CPED1: variants seen among roughly 807,000 people sequenced by gnomAD.
The protein encoded by CPED1 is cadherin-like and PC-esterase domain-containing protein 1.
In CPED1, 114 loss-of-function variants were observed where a neutral mutation model predicts 128.2. The observed-to-expected ratio is 0.89, with a 90% CI of 0.76 to 1.04. The LOEUF (loss-of-function observed/expected upper bound fraction) is 1.04. CPED1 is among the 50% of genes least tolerant of loss of function. The probability of loss-of-function intolerance (pLI) is 0.00; values close to 1 mark genes in which losing one functional copy is unlikely to be tolerated. For synonymous variants in CPED1, 462 were observed against 426.7 expected, an observed-to-expected ratio of 1.08 and a Z score of -1.02; for missense variants, 1,211 against 1,207.1, an observed-to-expected ratio of 1.00 and a Z score of -0.05.
chr7:121,158,700 A>G (rs1796345666), intron 16 of CPED1, among the ~76,000 whole-genome samples: 1 of 152,108 alleles, frequency 6.6e-6, no homozygotes, highest in Non-Finnish European at 1.5e-5. Context: ...ACTGCAGGAT[A>G]TGGAATATTA....
At position 121,142,146 on chromosome 7, in the gene CPED1, G is replaced by T; in HGVS notation, c.2055+5G>T. The T allele has an allele frequency of 3.8e-6, 6 of 1,589,482 alleles. No homozygotes were observed. Among genetic ancestry groups the T allele is most frequent in the Non-Finnish European group, 5.2e-6 (6 of 1,162,618 alleles). On this transcript the variant is annotated splice_donor_5th_base_variant and intron_variant, in intron 16 of 22. Transcript: ENST00000310396. The stretch of plus-strand genomic sequence containing the variant: ...ACAGCATGTGGTTTTGTGCAGGTAA[G>T]TGAAGTTTACATTTGCACTTGGGTT...
chr7:121,136,020 A>G lies in CPED1; in HGVS notation c.1649-20A>G, dbSNP rs555381697. 1.4e-5 allele frequency: 21 copies of G among 1,469,352 alleles called. No individual in the cohort carries two copies. The highest frequency in any genetic ancestry group is 1.8e-5 in the Non-Finnish European group (20 of 1,091,638). The allele number at this position is 1,469,352 out of a possible 1,614,324, so 91.0% of individuals were successfully genotyped here. ...GATTAATGGTTTTTATTTTAAATTT[A>G]CATTTCTTTTTTTTTTTAGCTGCAG... On this transcript the variant is annotated intron_variant, in intron 13 of 22. Transcript: ENST00000310396.
At chr7:121,068,219 G>T (rs1252884223) in intron 5 of CPED1, among the ~76,000 whole-genome samples, 1 of 152,158 alleles carries the variant, frequency 6.6e-6, no homozygotes, top group South Asian at 2.1e-4. Flanking sequence ...TATTGCCTAG[G>T]TTTTCTTCTA....
chr7:121,207,131 A>G (rs924066320), intron 16 of CPED1, among the ~76,000 whole-genome samples: 1 of 151,872 alleles, frequency 6.6e-6, no homozygotes. Flanking sequence ...AATGTACTGT[A>G]TTTATCTATT....
At chr7:121,159,379 G>T (rs1796361739) in intron 16 of CPED1, among the ~76,000 whole-genome samples, 2 of 152,180 alleles carry the variant, frequency 1.3e-5, no homozygotes, top group Admixed American at 1.3e-4. Flanking sequence ...TATAATTTGG[G>T]GGAGATCAAT....
At chr7:121,064,598 T>C (rs1415483891) in intron 5 of CPED1, among the ~76,000 whole-genome samples, 1 of 152,224 alleles carries the variant, frequency 6.6e-6, no homozygotes, top group East Asian at 1.9e-4. Flanking sequence ...ATTGCTGCTT[T>C]ATTTTTAAAG....
chr7:121,151,114 T>C (rs1796149716), intron 16 of CPED1, among the ~76,000 whole-genome samples: 1 of 152,220 alleles, frequency 6.6e-6, no homozygotes, highest in Admixed American at 6.5e-5. Flanking sequence ...AGTTTGGCTC[T>C]ATATAGGATA....
chr7:121,235,132 T>C (rs1798222825), intron 16 of CPED1, among the ~76,000 whole-genome samples: 1 of 152,084 alleles, frequency 6.6e-6, no homozygotes, highest in South Asian at 2.1e-4. Flanking sequence ...ATGACACTTT[T>C]TTCTGGCCTT....
rs1249790541 is a variant in CPED1 at position 121,046,259 on chromosome 7, A to G, written c.434-628A>G. On this transcript the variant is annotated intron_variant, in intron 3 of 22. Transcript: ENST00000310396. ...TTTGCTTTCGTCTGTGTTATACTCC[A>G]TAGTTTGAACTGAACTCTGCTATGT... 2.0e-5 allele frequency among the ~76,000 whole-genome samples: 3 copies of G among 152,182 alleles called. No homozygotes were observed. The East Asian group carries it at 5.8e-4, about 29-fold the overall frequency.
intron 22 of CPED1, among the ~76,000 whole-genome samples, chr7:121,280,427 G>A (rs1335772677): frequency 6.6e-6 from 1 of 152,160 alleles, no homozygotes; most frequent in Non-Finnish European, 1.5e-5. Flanking sequence ...CAGAGCCAAC[G>A]CTCAGCGTTG....
intron 22 of CPED1, among the ~76,000 whole-genome samples, chr7:121,289,413 T>C (rs998797751): frequency 2.0e-5 from 3 of 152,196 alleles, no homozygotes; most frequent in Non-Finnish European, 2.9e-5. Flanking sequence ...ACATTAAAAA[T>C]GTCCTATAAT....
chr7:120,994,405 A>G lies in CPED1; in HGVS notation c.249+4535A>G, dbSNP rs1185844156. 2.0e-5 allele frequency among the ~76,000 whole-genome samples: 3 copies of G among 152,372 alleles called. No individual in the cohort carries two copies. In the South Asian group the frequency reaches 6.2e-4, roughly 32 times the overall value. The stretch of plus-strand genomic sequence containing the variant: ...GTATGTATTAGCCTCTTTATGAGAT[A>G]CAAGTTATATAGAAATAAAAGCTTC... On this transcript the variant is annotated intron_variant, in intron 2 of 22. Coordinates refer to ENST00000310396, the MANE Select transcript of CPED1 (RefSeq NM_024913.5).
In CPED1 at chr7:121,121,681, T is replaced by C. The variant is rs530603532; in HGVS notation, c.919-2650T>C. Among the ~76,000 whole-genome samples, 23 of 152,362 alleles carry C rather than the reference T, an allele frequency of 1.5e-4. No individual in the cohort carries two copies. The South Asian group carries it at 4.8e-3, about 32-fold the overall frequency. On this transcript the variant is annotated intron_variant, in intron 7 of 22. Transcript: ENST00000310396. The stretch of plus-strand genomic sequence containing the variant: ...TCTCCTTAATATTTGAGTTAATGGC[T>C]TGACTGTTTTAAATTAGGAGGAAAG...
intron 16 of CPED1, among the ~76,000 whole-genome samples, chr7:121,199,673 C>CAAAAAAA (rs1160203035): frequency 4.6e-5 from 4 of 86,942 alleles, no homozygotes; most frequent in African/African-American, 1.8e-4. Flanking sequence ...GAGACTCCAT[C>CAAAAAAA]AAAAAAAAAA....
intron 16 of CPED1, among the ~76,000 whole-genome samples, chr7:121,196,002 G>A (rs7785211): frequency 0.61 from 92,275 of 151,810 alleles, 28,451 homozygotes; most frequent in East Asian, 0.88. Context: ...TTCCTAGAAG[G>A]CCGGGGGGAG....
At chr7:121,039,653 A>AAT (rs1182332330) in intron 3 of CPED1, among the ~76,000 whole-genome samples, 1 of 152,088 alleles carries the variant, frequency 6.6e-6, no homozygotes, top group African/African-American at 2.4e-5. Context: ...AAATGTAAGC[A>AAT]CGCATACCCA....
intron 9 of CPED1, 58 bp from the exon 10 acceptor site, chr7:121,127,032 C>G: frequency 8.0e-7 from 1 of 1,252,842 alleles, no homozygotes; most frequent in Non-Finnish European, 1.1e-6. Context: ...AGAAGTAATT[C>G]CATTGTCTTA....
intron 16 of CPED1, among the ~76,000 whole-genome samples, chr7:121,181,308 C>T (rs944534224): frequency 5.3e-5 from 8 of 151,942 alleles, no homozygotes; most frequent in African/African-American, 1.9e-4. Context: ...GAATATTCCA[C>T]GCAGAGGGAA....
chr7:121,051,382 TAGAGGTAAAATCA>T, intron 4 of CPED1: 1 of 441,630 alleles, frequency 2.3e-6, no homozygotes, highest in Non-Finnish European at 4.2e-6. Context: ...TTTTTTTTTT[TAGAGGTAAAATCA>T]TTTGCTGGTT....
Sources: gnomAD v4.1 joint callset for allele counts (sites outside exome capture counted in the v4.1 genomes callset) on GRCh38, gnomAD v4.1.1 for gene constraint, MANE v1.5 for transcripts, NCBI Gene and HGNC (gene_info 2026-07-23, HGNC 2026-07-21) for gene names.